Variants in IPMK observed in about 807,000 individuals in gnomAD.
IPMK encodes the protein inositol polyphosphate multikinase.
In IPMK, 17 loss-of-function variants were observed where a neutral mutation model predicts 45.8. The observed-to-expected ratio is 0.37, with a 90% CI of 0.25 to 0.56. The LOEUF (loss-of-function observed/expected upper bound fraction) is 0.56. Among genes scored for constraint, IPMK ranks in the 20% least tolerant of loss-of-function variants. The probability of loss-of-function intolerance (pLI) is 0.79; values close to 1 mark genes in which losing one functional copy is unlikely to be tolerated. For missense variants in IPMK, 399 were observed against 498.0 expected, an observed-to-expected ratio of 0.80 and a Z score of 1.89; for synonymous variants, 180 against 184.3, an observed-to-expected ratio of 0.98 and a Z score of 0.19.
In IPMK at chr10:58,244,316, G is replaced by A. The variant is rs1201946685; in HGVS notation, c.191-6502C>T. On this transcript the variant is annotated intron_variant, in intron 1 of 5. Coordinates refer to ENST00000373935, the MANE Select transcript of IPMK (RefSeq NM_152230.5). ...GGAAGTGGGCGCCTCTGCCCAGGCC[G>A]CCCCGTCTGGGAAGTGAGGAGCGCC... is the stretch of plus-strand genomic sequence containing the variant. Among the ~76,000 whole-genome samples the A allele has an allele frequency of 2.2e-4, 28 of 128,834 alleles. No individual in the cohort carries two copies. The East Asian group carries it at 2.8e-3, about 13-fold the overall frequency. The allele number at this position is 128,834 out of a possible 152,430, so 84.5% of individuals were successfully genotyped here. A position where few individuals can be genotyped will look rare whatever the true frequency, so the allele number is the denominator to read the frequency against.
chr10:58,241,844 A>AG (rs1003995705), intron 1 of IPMK, among the ~76,000 whole-genome samples: 9 of 151,892 alleles, frequency 5.9e-5, no homozygotes, highest in African/African-American at 1.7e-4. Flanking sequence ...TTTACAGGGG[A>AG]GGGGGGCTTC....
chr10:58,250,973 T>C (rs1347033936), intron 1 of IPMK, among the ~76,000 whole-genome samples: 1 of 152,204 alleles, frequency 6.6e-6, no homozygotes, highest in Non-Finnish European at 1.5e-5. Flanking sequence ...TGATGTATCA[T>C]GTTTCTTGAT....
intron 1 of IPMK, among the ~76,000 whole-genome samples, chr10:58,262,526 GATACTCCA>G (rs1313895656): frequency 5.3e-5 from 8 of 152,144 alleles, no homozygotes; most frequent in African/African-American, 1.9e-4. Flanking sequence ...TGGAAGAAAT[GATACTCCA>G]ACAGTTATGA....
intron 2 of IPMK, among the ~76,000 whole-genome samples, chr10:58,231,188 A>C (rs1408987324): frequency 2.0e-5 from 3 of 152,234 alleles, no homozygotes; most frequent in African/African-American, 7.2e-5. Context: ...TGAAAAGACC[A>C]AATCTACATT....
intron 2 of IPMK, among the ~76,000 whole-genome samples, chr10:58,231,303 A>G (rs1036404267): frequency 5.9e-5 from 9 of 152,308 alleles, no homozygotes; most frequent in African/African-American, 1.9e-4. Context: ...GCAGGCCAAC[A>G]TTTAAATTCA....
In IPMK at chr10:58,267,411, C is replaced by T. The variant is rs372070649; in HGVS notation, c.190+11G>A. ...AAGGGGAGCGGCGAGACCTATGCCA[C>T]CCCCACTTACCCACTTTGTCCTTCC... is the stretch of plus-strand genomic sequence containing the variant. On this transcript the variant is annotated intron_variant, in intron 1 of 5. Coordinates refer to ENST00000373935, the MANE Select transcript of IPMK (RefSeq NM_152230.5). 98 of 1,613,126 alleles carry T rather than the reference C, an allele frequency of 6.1e-5. 4 individuals carry two copies. The highest frequency in any genetic ancestry group is 6.0e-4 in the African/African-American group (45 of 75,040).
chr10:58,232,963 T>C (rs1838548163), intron 2 of IPMK, among the ~76,000 whole-genome samples: 1 of 152,000 alleles, frequency 6.6e-6, no homozygotes, highest in Non-Finnish European at 1.5e-5. Flanking sequence ...AAGAATCAAA[T>C]AGATGCAATA....
chr10:58,243,649 C>T (rs537238440), intron 1 of IPMK, among the ~76,000 whole-genome samples: 127 of 152,336 alleles, frequency 8.3e-4, no homozygotes, highest in Admixed American at 1.4e-3. Context: ...GGATTGCAGA[C>T]GGAGTCTCGC....
chr10:58,210,241 C>T (rs1419233388), intron 4 of IPMK, among the ~76,000 whole-genome samples: 9 of 152,140 alleles, frequency 5.9e-5, no homozygotes, highest in Admixed American at 4.6e-4. Flanking sequence ...CACCCAGCTC[C>T]CACGCAGTTG....
chr10:58,215,947 G>T (rs906074142), intron 4 of IPMK, among the ~76,000 whole-genome samples, 198 bp downstream of exon 4: 8 of 151,510 alleles, frequency 5.3e-5, no homozygotes. Flanking sequence ...CCGAACCAGA[G>T]AAACTGACCA....
At chr10:58,199,387 A>G in intron 4 of IPMK, 66 bp from the exon 5 acceptor site, 1 of 995,492 alleles carries the variant, frequency 1.0e-6, no homozygotes, top group Non-Finnish European at 1.4e-6. Flanking sequence ...TATCCCAGCC[A>G]CAAGGGTGGC....
At chr10:58,205,685 G>A (rs949479185) in intron 4 of IPMK, among the ~76,000 whole-genome samples, 2 of 152,116 alleles carry the variant, frequency 1.3e-5, no homozygotes, top group African/African-American at 2.4e-5. Flanking sequence ...GAGAAGAGTG[G>A]GAAGGGTGGC....
At chr10:58,257,158 T>C (rs1588973093) in intron 1 of IPMK, among the ~76,000 whole-genome samples, 1 of 152,354 alleles carries the variant, frequency 6.6e-6, no homozygotes, top group East Asian at 1.9e-4. Flanking sequence ...ATTATATACA[T>C]ACTAAGAGAA....
intron 1 of IPMK, among the ~76,000 whole-genome samples, chr10:58,238,878 G>T (rs1237903007): frequency 2.0e-5 from 3 of 151,346 alleles, no homozygotes; most frequent in Non-Finnish European, 4.4e-5. Context: ...CTTAGATATA[G>T]GCCAGGCATG....
intron 3 of IPMK, among the ~76,000 whole-genome samples, chr10:58,219,037 A>G (rs539812984): frequency 1.3e-5 from 2 of 152,336 alleles, no homozygotes; most frequent in African/African-American, 4.8e-5. Context: ...TAGACTATCC[A>G]AATGTGTTTT....
intron 1 of IPMK, among the ~76,000 whole-genome samples, chr10:58,257,936 GA>G (rs1490724086): frequency 6.6e-6 from 1 of 152,150 alleles, no homozygotes; most frequent in Non-Finnish European, 1.5e-5. Context: ...CAAAATACAT[GA>G]AGCAAAAACT....
chr10:58,220,972 T>C (rs2132155649), intron 3 of IPMK, among the ~76,000 whole-genome samples: 1 of 152,298 alleles, frequency 6.6e-6, no homozygotes, highest in Middle Eastern at 3.4e-3. Flanking sequence ...AAATAGAAGA[T>C]GATTCCCTGG....
chr10:58,251,744 C>T (rs1236807734), intron 1 of IPMK, among the ~76,000 whole-genome samples: 1 of 152,196 alleles, frequency 6.6e-6, no homozygotes, highest in African/African-American at 2.4e-5. Flanking sequence ...AAATGGCCTC[C>T]TTTGTCCTCT....
intron 1 of IPMK, among the ~76,000 whole-genome samples, chr10:58,266,205 G>A (rs201546917): frequency 1.4e-5 from 1 of 73,422 alleles, no homozygotes; most frequent in Non-Finnish European, 2.4e-5. Context: ...ACAAGGCTAT[G>A]AGAGAATACA....
Sources: allele counts gnomAD v4.1 joint callset (sites outside exome capture counted in the v4.1 genomes callset), GRCh38; gene constraint gnomAD v4.1.1; transcripts MANE v1.5; gene names NCBI Gene and HGNC (gene_info 2026-07-23, HGNC 2026-07-21).